PRIM2: variants seen among roughly 807,000 people sequenced by gnomAD.
PRIM2 encodes DNA primase subunit 2, also known as DNA primase large subunit.
In PRIM2, 39 loss-of-function variants were observed where a neutral mutation model predicts 67.3. The observed-to-expected ratio is 0.58, with a 90% CI of 0.45 to 0.76. PRIM2 has a LOEUF of 0.76. Among genes scored for constraint, PRIM2 ranks in the 30% least tolerant of loss-of-function variants. PRIM2 has a pLI of 0.00. For missense variants in PRIM2, 398 were observed against 598.7 expected (o/e 0.66, Z 3.50); for synonymous variants, 143 against 198.7 (o/e 0.72, Z 2.36).
At chr6:57,558,894 A>C (rs1234179211) in intron 10 of PRIM2, among the ~76,000 whole-genome samples, 2 of 152,004 alleles carry the variant, frequency 1.3e-5, no homozygotes, top group South Asian at 4.1e-4. Flanking sequence ...GTGGGTGGCC[A>C]AGGTGGGAAG....
chr6:57,467,785 G>A (rs1383796234), intron 7 of PRIM2, among the ~76,000 whole-genome samples: 1 of 148,100 alleles, frequency 6.8e-6, no homozygotes, highest in East Asian at 2.0e-4. Context: ...CATTTTTTTT[G>A]TGTCCTCCTT....
chr6:57,567,213 G>A (rs1775761277), intron 10 of PRIM2, among the ~76,000 whole-genome samples: 1 of 152,140 alleles, frequency 6.6e-6, no homozygotes, highest in African/African-American at 2.4e-5. Flanking sequence ...TGGTTGAGAA[G>A]ATGTATAAAA....
At chr6:57,593,261 G>A (rs1776312561) in intron 10 of PRIM2, among the ~76,000 whole-genome samples, 1 of 151,974 alleles carries the variant, frequency 6.6e-6, no homozygotes, top group Admixed American at 6.6e-5. Flanking sequence ...TGGGAGGGAA[G>A]AGCCTAGACA....
At position 57,324,091 on chromosome 6, in the gene PRIM2, A is replaced by AT. The variant is rs2127273341; in HGVS notation, c.259-110_259-109insT. 1.1e-5 allele frequency: 7 copies of AT among 628,808 alleles called. No homozygotes were observed. In the East Asian group the frequency reaches 2.0e-4, roughly 18 times the overall value. The allele number at this position is 628,808 out of a possible 1,614,324, so 39.0% of individuals were successfully genotyped here. A position where few individuals can be genotyped will look rare whatever the true frequency, so the allele number is the denominator to read the frequency against. ...AGAGCAAGACCCCATCTCTAAAAAA[A>AT]GAAATGTTTTTGAAACTTACTTTAC... is the stretch of plus-strand genomic sequence containing the variant. On this transcript the variant is annotated intron_variant, in intron 3 of 13. Transcript: ENST00000615550.
intron 10 of PRIM2, among the ~76,000 whole-genome samples, chr6:57,578,971 C>T (rs1178214006): frequency 1.3e-5 from 2 of 152,062 alleles, no homozygotes; most frequent in East Asian, 1.9e-4. Context: ...CCACCGCGCC[C>T]GGCCCACCTC....
At chr6:57,532,644 AT>A (rs1188578698) in intron 9 of PRIM2, among the ~76,000 whole-genome samples, 161 bp downstream of exon 9, 1 of 152,214 alleles carries the variant, frequency 6.6e-6, no homozygotes, top group Non-Finnish European at 1.5e-5. Flanking sequence ...TTTAAAAAAA[AT>A]CATAAGAAAA....
intron 10 of PRIM2, among the ~76,000 whole-genome samples, chr6:57,597,019 A>G (rs1383473853): frequency 6.6e-6 from 1 of 151,432 alleles, no homozygotes; most frequent in Non-Finnish European, 1.5e-5. Flanking sequence ...TTGCTCTTTC[A>G]TTCAAGTGAA....
At chr6:57,353,127 A>G (rs948551059) in intron 5 of PRIM2, among the ~76,000 whole-genome samples, 2 of 141,792 alleles carry the variant, frequency 1.4e-5, no homozygotes, top group African/African-American at 2.8e-5. Flanking sequence ...ATTGAGACCC[A>G]TGGTGAAATC....
chr6:57,289,061 AG>A, the PRIM2 span, among the ~76,000 whole-genome samples: 1 of 152,204 alleles, frequency 6.6e-6, no homozygotes, highest in East Asian at 1.9e-4. Flanking sequence ...CCTCGAAAAA[AG>A]GTTAGATGAG....
chr6:57,519,398 G>A (rs1371281880), intron 8 of PRIM2, among the ~76,000 whole-genome samples: 2 of 152,186 alleles, frequency 1.3e-5, no homozygotes, highest in African/African-American at 2.4e-5. Flanking sequence ...AGATGGCTAC[G>A]CCCAGGGGGG....
the PRIM2 span, among the ~76,000 whole-genome samples, chr6:57,267,583 G>A: frequency 1.3e-5 from 2 of 151,846 alleles, no homozygotes; most frequent in Non-Finnish European, 2.9e-5. Flanking sequence ...TGAGAGTGCT[G>A]AAGAGAAGCC....
rs537411886 is a variant in PRIM2, at chr6:57,363,772, C to T, written c.460-16129C>T. Among the ~76,000 whole-genome samples, 8 of 152,268 alleles carry T rather than the reference C, an allele frequency of 5.3e-5. No homozygotes were observed. In the South Asian group the frequency reaches 1.5e-3, roughly 28 times the overall value. On this transcript the variant is annotated intron_variant, in intron 5 of 13. Transcript: ENST00000615550. ...ATTTATCCTGCTTGAGTTTCACCAG[C>T]GTTCTTGAATTTGTAGATTGGTGTC...
the PRIM2 span, among the ~76,000 whole-genome samples, chr6:57,292,944 T>C: frequency 6.6e-6 from 1 of 152,058 alleles, no homozygotes; most frequent in Non-Finnish European, 1.5e-5. Flanking sequence ...GACTTCATGA[T>C]GAAAACACCA....
intron 5 of PRIM2, among the ~76,000 whole-genome samples, chr6:57,353,242 T>TACA (rs1339355625): frequency 7.6e-4 from 115 of 152,146 alleles, no homozygotes; most frequent in Non-Finnish European, 1.5e-3. Context: ...AAATTATATT[T>TACA]ACAATATCAC....
At chr6:57,613,625 T>G (rs1365845375) in intron 12 of PRIM2, among the ~76,000 whole-genome samples, 3 of 152,144 alleles carry the variant, frequency 2.0e-5, no homozygotes, top group Admixed American at 1.3e-4. Context: ...CTGCCACACT[T>G]TTATGGGATC....
intron 7 of PRIM2, among the ~76,000 whole-genome samples, chr6:57,460,150 G>A (rs1772952570): frequency 6.6e-6 from 1 of 151,680 alleles, no homozygotes; most frequent in African/African-American, 2.4e-5. Flanking sequence ...TACAGACCAG[G>A]GGTCTATTTT....
chr6:57,598,671 G>C (rs1317960238), intron 10 of PRIM2, among the ~76,000 whole-genome samples: 1 of 151,838 alleles, frequency 6.6e-6, no homozygotes, highest in Non-Finnish European at 1.5e-5. Flanking sequence ...AGGATTGCTT[G>C]AGCCCAGGAG....
Position 57,335,706 on chromosome 6 carries a change from A to G in PRIM2, c.459+9661A>G, listed in dbSNP as rs536984773. Among the ~76,000 whole-genome samples, 3 of 152,328 alleles carry G rather than the reference A, an allele frequency of 2.0e-5. No homozygotes were observed. In the South Asian group the frequency reaches 6.2e-4, roughly 32 times the overall value. On this transcript the variant is annotated intron_variant, in intron 5 of 13. Coordinates refer to ENST00000615550, the MANE Select transcript of PRIM2 (RefSeq NM_000947.5). ...GAAAGGACAAACACACCAAAAACCC[A>G]TCTGTACACCATCATCAAAGACCAA...
chr6:57,236,485 A>T, the PRIM2 span, among the ~76,000 whole-genome samples: 1 of 152,076 alleles, frequency 6.6e-6, no homozygotes, highest in Non-Finnish European at 1.5e-5. Flanking sequence ...TTACATATGT[A>T]TACATGTGCC....
Sources: gnomAD v4.1 joint callset for allele counts (sites outside exome capture counted in the v4.1 genomes callset) on GRCh38, gnomAD v4.1.1 for gene constraint, MANE v1.5 for transcripts, NCBI Gene and HGNC (gene_info 2026-07-23, HGNC 2026-07-21) for gene names.